The following FAM184A variants were observed in gnomAD, a reference collection of about 807,000 sequenced individuals.
The protein encoded by FAM184A is protein FAM184A.
Under a neutral mutation model 143.8 loss-of-function variants are expected in FAM184A, and 99 were observed. The observed-to-expected ratio is 0.69, with a 90% CI of 0.58 to 0.81. The LOEUF (loss-of-function observed/expected upper bound fraction) is 0.81, where lower values mean the gene tolerates loss of function less well. FAM184A is among the 40% of genes least tolerant of loss of function. The pLI is 0.00. For missense variants in FAM184A, 1,217 were observed against 1,310.5 expected (o/e 0.93, Z 1.10); for synonymous variants, 427 against 446.4 (o/e 0.96, Z 0.55).
At chr6:119,148,363 C>A (rs1412445187) in intron 1 of FAM184A, among the ~76,000 whole-genome samples, 1 of 152,304 alleles carries the variant, frequency 6.6e-6, no homozygotes, top group African/African-American at 2.4e-5. Flanking sequence ...CCACCTACCC[C>A]ACGAGAGTTG....
intron 1 of FAM184A, among the ~76,000 whole-genome samples, chr6:119,086,802 G>A (rs779883116): frequency 1.3e-5 from 2 of 152,154 alleles, no homozygotes; most frequent in African/African-American, 2.4e-5. Context: ...GTGGAAAATC[G>A]ATTATGGGAC....
At chr6:119,009,308 A>T (rs919756751) in intron 6 of FAM184A, among the ~76,000 whole-genome samples, 5 of 152,164 alleles carry the variant, frequency 3.3e-5, no homozygotes, top group Admixed American at 3.3e-4. Context: ...CACAATTCCC[A>T]TATGTTGAGG....
rs1786876942 is a variant in FAM184A at position 119,054,248 on chromosome 6, G to A, written c.159+23893C>T. Among the ~76,000 whole-genome samples the A allele has an allele frequency of 2.0e-5, 3 of 152,316 alleles. No individual in the cohort carries two copies. In the South Asian group the frequency reaches 6.2e-4, roughly 32 times the overall value. On this transcript the variant is annotated intron_variant, in intron 1 of 17. Transcript: ENST00000338891. ...ATTACAATCAAAATGAATCACGCTAGCTTAGCAATTATATACAATAATTCA... is the reference window on the plus strand; with the variant it reads ...ATTACAATCAAAATGAATCACGCTAACTTAGCAATTATATACAATAATTCA...
At chr6:119,134,964 G>C (rs1789625549) in intron 1 of FAM184A, among the ~76,000 whole-genome samples, 1 of 152,198 alleles carries the variant, frequency 6.6e-6, no homozygotes, top group South Asian at 2.1e-4. Context: ...GCATATTGGA[G>C]AGTTGAACCT....
intron 1 of FAM184A, among the ~76,000 whole-genome samples, chr6:119,093,772 G>T (rs1009506317): frequency 5.3e-5 from 8 of 152,060 alleles, no homozygotes; most frequent in African/African-American, 1.9e-4. Flanking sequence ...AGAGCACCCA[G>T]GATTTAAGGT....
At chr6:119,012,035 C>T (rs80108355) in intron 5 of FAM184A, among the ~76,000 whole-genome samples, 2,300 of 152,050 alleles carry the variant, frequency 0.015, 55 homozygotes, top group African/African-American at 0.053. Context: ...ATAGGGAGTA[C>T]GGGAGTATAT....
chr6:118,989,625 C>G (rs1056927198), intron 9 of FAM184A, among the ~76,000 whole-genome samples: 1 of 151,580 alleles, frequency 6.6e-6, no homozygotes, highest in Non-Finnish European at 1.5e-5. Flanking sequence ...TCTATGTTGA[C>G]TTCATAACTT....
intron 1 of FAM184A, among the ~76,000 whole-genome samples, chr6:119,106,080 A>G (rs1788768895): frequency 6.6e-6 from 1 of 152,126 alleles, no homozygotes; most frequent in Non-Finnish European, 1.5e-5. Context: ...TACTGCTAGG[A>G]AAAGAAATGC....
chr6:119,133,983 G>A (rs1004430637), intron 1 of FAM184A, among the ~76,000 whole-genome samples: 44 of 151,852 alleles, frequency 2.9e-4, no homozygotes, highest in African/African-American at 9.4e-4. Context: ...TGCACAGCGA[G>A]TAAGCATTTC....
intron 9 of FAM184A, among the ~76,000 whole-genome samples, chr6:119,000,657 A>C (rs1784727219): frequency 6.6e-6 from 1 of 152,208 alleles, no homozygotes; most frequent in African/African-American, 2.4e-5. Context: ...GATGAAATTC[A>C]GGTATGTTAA....
chr6:119,110,547 A>G (rs1375515518), intron 1 of FAM184A, among the ~76,000 whole-genome samples: 1 of 152,022 alleles, frequency 6.6e-6, no homozygotes, highest in African/African-American at 2.4e-5. Flanking sequence ...AGTGAAAAGG[A>G]TATTGGATAG....
At chr6:119,005,873 G>A (rs1004231688) in intron 7 of FAM184A, 2 of 462,212 alleles carry the variant, frequency 4.3e-6, no homozygotes, top group Non-Finnish European at 7.7e-6. Flanking sequence ...TGCAGACACA[G>A]AGAAGCACTT....
chr6:119,088,140 A>G lies in FAM184A; in HGVS notation c.-202+60938T>C, dbSNP rs544794572. Among the ~76,000 whole-genome samples, 43 of 152,332 alleles carry G rather than the reference A, an allele frequency of 2.8e-4. No homozygotes were observed. The South Asian group carries it at 8.1e-3, about 29-fold the overall frequency. ...GGGTATAGGGTTTCAACTGGGGAAGATGAAAAAGGTCCAGAAATGAATGGT... is the reference window on the plus strand; with the variant it reads ...GGGTATAGGGTTTCAACTGGGGAAGGTGAAAAAGGTCCAGAAATGAATGGT... On this transcript the variant is annotated intron_variant, in intron 1 of 16. Coordinates refer to the FAM184A transcript ENST00000352896.
intron 1 of FAM184A, among the ~76,000 whole-genome samples, chr6:119,031,785 G>A (rs1429346539): frequency 5.3e-5 from 8 of 152,074 alleles, no homozygotes; most frequent in African/African-American, 1.9e-4. Flanking sequence ...CTAAGGTAAG[G>A]GAATCACTGA....
intron 6 of FAM184A, among the ~76,000 whole-genome samples, chr6:119,007,529 C>T (rs896378233): frequency 6.6e-5 from 10 of 152,084 alleles, no homozygotes; most frequent in African/African-American, 2.4e-4. Context: ...ATGCTAATCT[C>T]ATAAGATAAT....
intron 14 of FAM184A, among the ~76,000 whole-genome samples, chr6:118,970,524 C>G (rs571710478): frequency 6.6e-6 from 1 of 151,926 alleles, no homozygotes; most frequent in South Asian, 2.1e-4. Context: ...TCAAGTTTTC[C>G]TATTAAATAT....
intron 1 of FAM184A, among the ~76,000 whole-genome samples, chr6:119,121,431 C>T (rs771126090): frequency 6.6e-6 from 1 of 152,234 alleles, no homozygotes; most frequent in Non-Finnish European, 1.5e-5. Context: ...GCCACCGTGC[C>T]TGGCCTTTTA....
At chr6:119,146,006 C>T (rs2114898155) in intron 1 of FAM184A, among the ~76,000 whole-genome samples, 1 of 152,242 alleles carries the variant, frequency 6.6e-6, no homozygotes, top group South Asian at 2.1e-4. Context: ...ACAGGTATTT[C>T]CCCAAATGTG....
intron 14 of FAM184A, among the ~76,000 whole-genome samples, chr6:118,970,237 C>G (rs997897071): frequency 2.6e-5 from 4 of 151,008 alleles, no homozygotes; most frequent in Middle Eastern, 3.4e-3. Context: ...CTCCTGACCT[C>G]AGGTGATCCG....
Sources: allele counts gnomAD v4.1 joint callset (sites outside exome capture counted in the v4.1 genomes callset), GRCh38; gene constraint gnomAD v4.1.1; transcripts MANE v1.5; gene names NCBI Gene and HGNC (gene_info 2026-07-23, HGNC 2026-07-21).